AFTPH: variants seen among roughly 807,000 people sequenced by gnomAD.
AFTPH encodes the protein aftiphilin.
A neutral mutation model predicts 72.5 loss-of-function variants in AFTPH; 7 were observed. The observed-to-expected ratio is 0.10, with a 90% confidence interval of 0.05 to 0.18. AFTPH has a LOEUF of 0.18. Ranked by LOEUF, AFTPH falls within the 10% of genes least tolerant of loss-of-function variation. The pLI is 1.00. For synonymous variants in AFTPH, 337 were observed against 370.1 expected (o/e 0.91, Z 1.03); for missense variants, 979 against 1,060.5 (o/e 0.92, Z 1.07).
intron 2 of AFTPH, among the ~76,000 whole-genome samples, chr2:64,560,698 C>T (rs943995689): frequency 1.3e-5 from 2 of 152,120 alleles, no homozygotes; most frequent in Non-Finnish European, 2.9e-5. Context: ...CATGGTGAAA[C>T]CCCATCTCTA....
intron 2 of AFTPH, among the ~76,000 whole-genome samples, chr2:64,558,291 T>G (rs2103978115): frequency 6.6e-6 from 1 of 152,314 alleles, no homozygotes; most frequent in Admixed American, 6.5e-5. Flanking sequence ...ATATCCTTGA[T>G]AGGGTCTTGG....
rs188705417 is a variant in AFTPH at position 64,555,490 on chromosome 2, G to A, written c.1935+2081G>A. 1.2e-3 allele frequency among the ~76,000 whole-genome samples: 173 copies of A among 150,296 alleles called. 1 individual carries two copies. The highest frequency in any genetic ancestry group is 3.7e-3 in the African/African-American group (152 of 40,730). The stretch of plus-strand genomic sequence containing the variant: ...ACAGGAGAATAACTTGAACCCAGCA[G>A]GTGGAGGTTGCAGTGAGCCGAGATC... On this transcript the variant is annotated intron_variant, in intron 2 of 8. Coordinates refer to ENST00000238856, the Ensembl canonical transcript of AFTPH.
chr2:64,552,046 C>A (rs1671079125), exon 2 of AFTPH: 2 of 1,613,968 alleles, frequency 1.2e-6, no homozygotes, highest in East Asian at 4.5e-5. Context: ...GTGTTGGAAA[C>A]TGTAAATCCT....
At chr2:64,584,121 C>CGGCA (rs1673364535) in intron 7 of AFTPH, among the ~76,000 whole-genome samples, 3 of 151,850 alleles carry the variant, frequency 2.0e-5, no homozygotes, top group African/African-American at 7.3e-5. Flanking sequence ...TGTTAACGCC[C>CGGCA]GGCAACTCAT....
intron 1 of AFTPH, among the ~76,000 whole-genome samples, chr2:64,547,515 T>C (rs540095505): frequency 2.0e-5 from 3 of 152,372 alleles, no homozygotes; most frequent in East Asian, 3.9e-4. Flanking sequence ...TGTAAACTTA[T>C]ACTTTTTCCC....
chr2:64,566,396 T>A (rs1273064260), intron 2 of AFTPH, among the ~76,000 whole-genome samples: 1 of 152,194 alleles, frequency 6.6e-6, no homozygotes, highest in Admixed American at 6.5e-5. Flanking sequence ...AAAAGAGATT[T>A]GGGTTCAGAA....
chr2:64,589,307 G>A (rs567593416), intron 8 of AFTPH, among the ~76,000 whole-genome samples: 1 of 152,280 alleles, frequency 6.6e-6, no homozygotes, highest in South Asian at 2.1e-4. Context: ...TTCCCCCACT[G>A]AAAGGTTTTG....
At chr2:64,589,253 T>C (rs1327753674) in intron 8 of AFTPH, among the ~76,000 whole-genome samples, 2 of 152,242 alleles carry the variant, frequency 1.3e-5, no homozygotes, top group Admixed American at 1.3e-4. Flanking sequence ...ACATTCATTC[T>C]TGTGCAGGTG....
intron 8 of AFTPH, 134 bp downstream of exon 9, chr2:64,585,679 A>G: frequency 1.1e-6 from 1 of 920,204 alleles, no homozygotes; most frequent in Non-Finnish European, 1.6e-6. Context: ...TCGATGCCCA[A>G]GTCCAGAAAA....
At chr2:64,553,545 T>C (rs1671177263) in intron 2 of AFTPH, 136 bp downstream of exon 2, 2 of 956,894 alleles carry the variant, frequency 2.1e-6, no homozygotes, top group South Asian at 2.6e-5. Context: ...GCCTGTCTGA[T>C]TTGTGGGTTG....
intron 2 of AFTPH, among the ~76,000 whole-genome samples, chr2:64,557,062 T>C: frequency 6.6e-6 from 1 of 152,104 alleles, no homozygotes; most frequent in Non-Finnish European, 1.5e-5. Flanking sequence ...AGTCCTTTTT[T>C]ATGAGTGTTA....
intron 1 of AFTPH, among the ~76,000 whole-genome samples, chr2:64,528,691 G>A (rs1669427153): frequency 6.6e-6 from 1 of 152,096 alleles, no homozygotes; most frequent in African/African-American, 2.4e-5. Context: ...GCCTGGAATA[G>A]TCAAGAAATT....
At chr2:64,560,270 A>G (rs1201058260) in intron 2 of AFTPH, among the ~76,000 whole-genome samples, 3 of 152,320 alleles carry the variant, frequency 2.0e-5, no homozygotes, top group Non-Finnish European at 2.9e-5. Context: ...AAGACATGAC[A>G]GAACTAGGAA....
chr2:64,559,597 G>A (rs1033942664), intron 2 of AFTPH, among the ~76,000 whole-genome samples: 1 of 152,224 alleles, frequency 6.6e-6, no homozygotes, highest in Non-Finnish European at 1.5e-5. Flanking sequence ...ATTGGATGAG[G>A]CCTACCCACA....
chr2:64,591,828 C>T (rs1673843602), intron 8 of AFTPH, 60 bp from the exon 10 acceptor site: 1 of 1,582,326 alleles, frequency 6.3e-7, no homozygotes, highest in East Asian at 2.2e-5. Context: ...TGGATTGTCT[C>T]CCATTTTACC....
At chr2:64,579,527 C>G (rs1403088339) in exon 7 of AFTPH, 2 of 1,613,620 alleles carry the variant, frequency 1.2e-6, no homozygotes, top group Non-Finnish European at 1.7e-6. Context: ...GTAGCAGTGG[C>G]CTTACTAACC....
intron 1 of AFTPH, among the ~76,000 whole-genome samples, chr2:64,530,667 A>G (rs1160230448): frequency 1.3e-5 from 2 of 152,190 alleles, no homozygotes; most frequent in Non-Finnish European, 2.9e-5. Context: ...TACTGTGGAT[A>G]TGTGAGCATG....
chr2:64,550,572 G>T (rs1670966802), intron 1 of AFTPH, among the ~76,000 whole-genome samples: 1 of 152,032 alleles, frequency 6.6e-6, no homozygotes, highest in East Asian at 1.9e-4. Flanking sequence ...ACTATTAAGA[G>T]GTAACATGAG....
chr2:64,549,513 G>T lies in AFTPH; in HGVS notation c.-32-1930G>T, dbSNP rs147193627. ...TTTTTTTATTTTTAGTAGAGGTGGG[G>T]TTTCACCGTGTTGGCCAGGCTGGTC... On this transcript the variant is annotated intron_variant, in intron 1 of 8. Coordinates refer to ENST00000238856, the Ensembl canonical transcript of AFTPH. Among the ~76,000 whole-genome samples, 705 of 151,782 alleles carry T rather than the reference G, an allele frequency of 4.6e-3. 5 individuals carry two copies. Among genetic ancestry groups the T allele is most frequent in the African/African-American group, 0.016 (681 of 41,400 alleles).
Sources: gnomAD v4.1 joint callset for allele counts (sites outside exome capture counted in the v4.1 genomes callset) on GRCh38, gnomAD v4.1.1 for gene constraint, MANE v1.5 for transcripts, NCBI Gene and HGNC (gene_info 2026-07-23, HGNC 2026-07-21) for gene names.